The following PCSK6 variants were observed in gnomAD, a reference collection of about 807,000 sequenced individuals.
PCSK6 encodes the protein proprotein convertase subtilisin/kexin type 6.
A neutral mutation model predicts 123.3 loss-of-function variants in PCSK6; 85 were observed. That is an observed-to-expected ratio of 0.69 (90% CI 0.58 to 0.83). PCSK6 has a LOEUF of 0.83. PCSK6 is among the 40% of genes least tolerant of loss of function. The pLI is 0.00. For synonymous variants in PCSK6, 508 were observed against 516.0 expected, an observed-to-expected ratio of 0.98 and a Z score of 0.21; for missense variants, 1,191 against 1,282.3, an observed-to-expected ratio of 0.93 and a Z score of 1.09.
chr15:101,348,102 T>A (rs982128764), intron 13 of PCSK6, among the ~76,000 whole-genome samples: 3 of 152,196 alleles, frequency 2.0e-5, no homozygotes, highest in South Asian at 4.1e-4. Flanking sequence ...GGAGGCCTGA[T>A]ACCAAGCCTC....
chr15:101,431,012 T>G (rs550179128), intron 4 of PCSK6, among the ~76,000 whole-genome samples: 1 of 152,232 alleles, frequency 6.6e-6, no homozygotes, highest in African/African-American at 2.4e-5. Context: ...ACCCTGTCAC[T>G]GTTCGTGTTG....
At chr15:101,487,900 T>A (rs770491108) in intron 1 of PCSK6, among the ~76,000 whole-genome samples, 7 of 152,220 alleles carry the variant, frequency 4.6e-5, no homozygotes, top group Non-Finnish European at 8.8e-5. Flanking sequence ...TCTATATGGA[T>A]ATACATGTGC....
intron 13 of PCSK6, among the ~76,000 whole-genome samples, chr15:101,345,109 T>G (rs906325628): frequency 5.9e-5 from 9 of 152,094 alleles, no homozygotes; most frequent in African/African-American, 2.2e-4. Flanking sequence ...GAGGTCCCAG[T>G]GTTATGTGGT....
intron 6 of PCSK6, among the ~76,000 whole-genome samples, chr15:101,417,164 G>T (rs138267628): frequency 0.015 from 2,252 of 152,304 alleles, 49 homozygotes; most frequent in African/African-American, 0.051. Context: ...TTTATCAGGG[G>T]TTTCTGCTTT....
chr15:101,418,169 A>C (rs758315953), intron 6 of PCSK6, among the ~76,000 whole-genome samples: 5 of 152,218 alleles, frequency 3.3e-5, no homozygotes, highest in Non-Finnish European at 5.9e-5. Flanking sequence ...TCAAGAAGAA[A>C]CAGAAAACCT....
chr15:101,331,653 G>A lies in PCSK6; in HGVS notation c.2075C>T (p.Thr692Ile). The change falls in exon 15 of 22, where the codon ACC becomes ATC. Residue 692 changes from threonine (T) to isoleucine (I), a missense_variant and splice_region_variant. Transcript: ENST00000611716. The part of the protein sequence containing the change: ...STPGSANILQ[T>I]SVCHPECGDK... Reference sequence around the variant, plus strand: ...TTACTGGTTTGAAGCATACTTACTGGTCTGTAAAATATTAGCAGAGCCTGG... The same window carrying A: ...TTACTGGTTTGAAGCATACTTACTGATCTGTAAAATATTAGCAGAGCCTGG... 1 of 1,613,312 alleles carries A rather than the reference G, an allele frequency of 6.2e-7. No individual in the cohort carries two copies. The highest frequency in any genetic ancestry group is 8.5e-7 in the Non-Finnish European group (1 of 1,179,402).
At chr15:101,345,691 G>A (rs533139342) in intron 13 of PCSK6, among the ~76,000 whole-genome samples, 5 of 152,110 alleles carry the variant, frequency 3.3e-5, no homozygotes, top group Middle Eastern at 3.4e-3. Context: ...TTTTTGAGAC[G>A]GAGTCTCGTT....
At chr15:101,449,312 CCACCATACATTT>C (rs2056972846) in intron 1 of PCSK6, among the ~76,000 whole-genome samples, 1 of 152,130 alleles carries the variant, frequency 6.6e-6, no homozygotes, top group Non-Finnish European at 1.5e-5. Context: ...GTTTCTACAT[CCACCATACATTT>C]TTTTTTCATG....
intron 2 of PCSK6, among the ~76,000 whole-genome samples, chr15:101,441,848 CAGATCA>C (rs1305324701): frequency 7.2e-5 from 11 of 152,204 alleles, no homozygotes; most frequent in Non-Finnish European, 1.6e-4. Context: ...CTTCACACGG[CAGATCA>C]AGTGCTTGCT....
chr15:101,463,769 G>C (rs995855913), intron 1 of PCSK6, among the ~76,000 whole-genome samples: 3 of 152,134 alleles, frequency 2.0e-5, no homozygotes, highest in African/African-American at 7.2e-5. Flanking sequence ...TTGGGGTGTG[G>C]GGTGCCCACT....
chr15:101,401,288 C>T (rs898018937), intron 6 of PCSK6, among the ~76,000 whole-genome samples: 1 of 152,240 alleles, frequency 6.6e-6, no homozygotes, highest in Non-Finnish European at 1.5e-5. Context: ...AGAGCCATCT[C>T]TTCATAGCTT....
intron 20 of PCSK6, among the ~76,000 whole-genome samples, chr15:101,310,570 C>T (rs1041342935): frequency 6.6e-6 from 1 of 152,222 alleles, no homozygotes; most frequent in Non-Finnish European, 1.5e-5. Context: ...CCCAGGGCCC[C>T]GTGCAGGACT....
intron 1 of PCSK6, among the ~76,000 whole-genome samples, chr15:101,475,500 T>C (rs2057709155): frequency 1.3e-5 from 2 of 152,184 alleles, no homozygotes; most frequent in Admixed American, 6.5e-5. Flanking sequence ...TACTCATTTA[T>C]TTTGAGACAG....
At chr15:101,462,650 T>C (rs1410430504) in intron 1 of PCSK6, among the ~76,000 whole-genome samples, 1 of 152,178 alleles carries the variant, frequency 6.6e-6, no homozygotes, top group Non-Finnish European at 1.5e-5. Flanking sequence ...AATATCAGTG[T>C]TGAAAGGAGG....
At chr15:101,307,523 A>G in intron 20 of PCSK6, 198 bp from the exon 21 acceptor site, 1 of 539,030 alleles carries the variant, frequency 1.9e-6, no homozygotes. Flanking sequence ...TGACCTCACT[A>G]TTGCCCTGGG....
intron 8 of PCSK6, 33 bp downstream of exon 8, chr15:101,393,179 C>T (rs2042283288): frequency 6.6e-7 from 1 of 1,526,168 alleles, no homozygotes; most frequent in Non-Finnish European, 9.0e-7. Context: ...GAGGCACTCA[C>T]TGTAAGCACT....
chr15:101,354,066 ACCAGTGGTGGAAG>A (rs1464935838), intron 13 of PCSK6, among the ~76,000 whole-genome samples: 3 of 152,150 alleles, frequency 2.0e-5, no homozygotes, highest in Non-Finnish European at 4.4e-5. Context: ...GTCCGCAATG[ACCAGTGGTGGAAG>A]ATGGATCTGA....
intron 6 of PCSK6, among the ~76,000 whole-genome samples, chr15:101,420,290 G>C (rs2141085744): frequency 6.6e-6 from 1 of 151,620 alleles, no homozygotes. Context: ...ATACAAAACA[G>C]GTTTACTATC....
At chr15:101,487,311 C>G (rs542609161) in intron 1 of PCSK6, among the ~76,000 whole-genome samples, 1 of 152,246 alleles carries the variant, frequency 6.6e-6, no homozygotes, top group Non-Finnish European at 1.5e-5. Context: ...GACCGGGCTG[C>G]GTGGCATTCA....
Sources: gnomAD v4.1 joint callset for allele counts (sites outside exome capture counted in the v4.1 genomes callset) on GRCh38, gnomAD v4.1.1 for gene constraint, MANE v1.5 for transcripts, NCBI Gene and HGNC (gene_info 2026-07-23, HGNC 2026-07-21) for gene names.